The following LRMDA variants were observed in gnomAD, a reference collection of about 807,000 sequenced individuals.
The protein encoded by LRMDA is leucine rich melanocyte differentiation associated.
LRMDA carries 18 observed loss-of-function variants against 29.8 expected under a neutral mutation model. That is an observed-to-expected ratio of 0.60 (90% CI 0.42 to 0.90). The LOEUF is 0.90. Ranked by LOEUF, LRMDA falls within the 40% of genes least tolerant of loss-of-function variation. LRMDA has a pLI of 0.00. For missense variants in LRMDA, 273 were observed against 273.9 expected (o/e 1.00, Z 0.02); for synonymous variants, 125 against 109.4 (o/e 1.14, Z -0.89).
At chr10:75,576,031 C>G (rs1296178365) in intron 2 of LRMDA, among the ~76,000 whole-genome samples, 1 of 151,954 alleles carries the variant, frequency 6.6e-6, no homozygotes, top group Non-Finnish European at 1.5e-5. Context: ...CATTCACTCC[C>G]CTGAAAAGTG....
chr10:75,512,326 G>A (rs1301908027), intron 2 of LRMDA, among the ~76,000 whole-genome samples: 1 of 151,490 alleles, frequency 6.6e-6, no homozygotes, highest in African/African-American at 2.4e-5. Context: ...ACAGCTAATC[G>A]TTTTCTCCCC....
At chr10:76,155,744 G>A (rs757560423) in intron 5 of LRMDA, among the ~76,000 whole-genome samples, 1 of 152,126 alleles carries the variant, frequency 6.6e-6, no homozygotes, top group Non-Finnish European at 1.5e-5. Context: ...CTGTATTAGG[G>A]TGATAAGATT....
Position 76,558,730 on chromosome 10 carries a change from C to T in LRMDA, c.*1442C>T, listed in dbSNP as rs1298714768. 3 of 152,086 alleles carry T rather than the reference C, an allele frequency of 2.0e-5. No individual in the cohort carries two copies. Among genetic ancestry groups the T allele is most frequent in the Non-Finnish European group, 4.4e-5 (3 of 68,022 alleles). 9.4% of individuals were successfully genotyped at this position (152,086 alleles called of 1,614,324 possible). ...TGGGGACTCAGAATCCCTAAGCTGC[C>T]CAAGGAGAACCTACTTTCTCAGCTC... is the stretch of plus-strand genomic sequence containing the variant. On this transcript the variant is annotated 3_prime_UTR_variant, in exon 7 of 7. Coordinates refer to ENST00000611255, the MANE Select transcript of LRMDA (RefSeq NM_001305581.2).
At chr10:75,632,032 C>T (rs115312275) in intron 2 of LRMDA, among the ~76,000 whole-genome samples, 63 of 152,240 alleles carry the variant, frequency 4.1e-4, no homozygotes, top group African/African-American at 1.4e-3. Flanking sequence ...TTTGTTGGCT[C>T]CTAATATTCC....
At chr10:75,509,870 T>C (rs1301892294) in intron 2 of LRMDA, among the ~76,000 whole-genome samples, 3 of 152,200 alleles carry the variant, frequency 2.0e-5, no homozygotes, top group South Asian at 4.1e-4. Flanking sequence ...CTTGAGGCTC[T>C]TACAGCCTGT....
intron 2 of LRMDA, among the ~76,000 whole-genome samples, chr10:75,909,007 A>G (rs1346822172): frequency 1.3e-5 from 2 of 152,166 alleles, no homozygotes; most frequent in African/African-American, 4.8e-5. Context: ...TACCTTAACT[A>G]GTAACTAACT....
chr10:75,724,044 T>G (rs962008353), intron 2 of LRMDA, among the ~76,000 whole-genome samples: 6 of 152,220 alleles, frequency 3.9e-5, no homozygotes, highest in African/African-American at 1.2e-4. Flanking sequence ...CAGATTTCCA[T>G]TAGATGCAAA....
At chr10:76,349,876 T>A (rs1841153592) in intron 6 of LRMDA, among the ~76,000 whole-genome samples, 1 of 151,994 alleles carries the variant, frequency 6.6e-6, no homozygotes, top group Non-Finnish European at 1.5e-5. Context: ...AAAACTATTA[T>A]ACATGCTCAG....
At chr10:75,457,313 T>C (rs921440964) in intron 2 of LRMDA, among the ~76,000 whole-genome samples, 2 of 152,162 alleles carry the variant, frequency 1.3e-5, no homozygotes, top group South Asian at 2.1e-4. Flanking sequence ...GGCAAACTAG[T>C]ATAGGTTGAC....
At chr10:76,481,589 AAC>A (rs1842734002) in intron 6 of LRMDA, among the ~76,000 whole-genome samples, 5 of 151,960 alleles carry the variant, frequency 3.3e-5, no homozygotes, top group Non-Finnish European at 7.4e-5. Context: ...GGAGTGGTCT[AAC>A]TAATTGGGCA....
At chr10:76,345,081 T>TTTTC (rs1458848578) in intron 6 of LRMDA, among the ~76,000 whole-genome samples, 25 of 143,290 alleles carry the variant, frequency 1.7e-4, no homozygotes, top group Admixed American at 6.2e-4. Flanking sequence ...TTTTTTTTTT[T>TTTTC]TTTGAGACGG....
At chr10:76,516,168 A>G (rs1262069455) in intron 6 of LRMDA, among the ~76,000 whole-genome samples, 1 of 152,216 alleles carries the variant, frequency 6.6e-6, no homozygotes, top group Non-Finnish European at 1.5e-5. Flanking sequence ...ATGATCAGAA[A>G]TTAGCAAACA....
chr10:76,472,507 A>G (rs1036739424), intron 6 of LRMDA, among the ~76,000 whole-genome samples: 1 of 151,742 alleles, frequency 6.6e-6, no homozygotes, highest in Non-Finnish European at 1.5e-5. Flanking sequence ...GACAGTAGAA[A>G]AACAAGAGAA....
chr10:75,693,118 T>C (rs1446033488), intron 2 of LRMDA, among the ~76,000 whole-genome samples: 1 of 152,144 alleles, frequency 6.6e-6, no homozygotes, highest in Non-Finnish European at 1.5e-5. Context: ...TTCTGTAATA[T>C]AGTGCTTGGC....
chr10:75,745,642 A>G (rs1842881889), intron 2 of LRMDA, among the ~76,000 whole-genome samples: 1 of 152,232 alleles, frequency 6.6e-6, no homozygotes, highest in African/African-American at 2.4e-5. Flanking sequence ...CAAATTTAAG[A>G]AAACATTGGA....
At chr10:76,392,380 A>G (rs1469798617) in intron 6 of LRMDA, among the ~76,000 whole-genome samples, 1 of 152,178 alleles carries the variant, frequency 6.6e-6, no homozygotes, top group East Asian at 1.9e-4. Flanking sequence ...GTTTTGAATT[A>G]TGAATACACT....
intron 2 of LRMDA, among the ~76,000 whole-genome samples, chr10:75,572,243 T>A (rs1840446262): frequency 6.6e-6 from 1 of 152,152 alleles, no homozygotes; most frequent in African/African-American, 2.4e-5. Flanking sequence ...TGAGCCACCG[T>A]GCCTGGATTG....
chr10:75,682,370 A>G (rs1842033179), intron 2 of LRMDA, among the ~76,000 whole-genome samples: 1 of 152,168 alleles, frequency 6.6e-6, no homozygotes, highest in Non-Finnish European at 1.5e-5. Flanking sequence ...AATGCATGAG[A>G]GAAGTTAAAT....
At chr10:75,574,755 G>A (rs1478272392) in intron 2 of LRMDA, among the ~76,000 whole-genome samples, 2 of 152,132 alleles carry the variant, frequency 1.3e-5, no homozygotes, top group African/African-American at 2.4e-5. Context: ...CTGAGCCAAG[G>A]TTTCTTCCAG....
Sources: allele counts gnomAD v4.1 joint callset (sites outside exome capture counted in the v4.1 genomes callset), GRCh38; gene constraint gnomAD v4.1.1; transcripts MANE v1.5; gene names NCBI Gene and HGNC (gene_info 2026-07-23, HGNC 2026-07-21).